The following MIR17HG variants were observed in gnomAD, a reference collection of about 807,000 sequenced individuals.
The protein encoded by MIR17HG is MIR17 host gene (non-protein coding).
intron 3 of MIR17HG, among the ~76,000 whole-genome samples, chr13:91,353,109 CAAAAAAAAAAAAAA>C (rs549062236): frequency 3.5e-5 from 1 of 28,886 alleles, no homozygotes. Context: ...GACTTAAACG[CAAAAAAAAAAAAAA>C]AAAAAAAAAA....
intron 3 of MIR17HG, chr13:91,350,250 T>C (rs1875227806): frequency 9.6e-6 from 2 of 209,312 alleles, no homozygotes; most frequent in Non-Finnish European, 2.0e-5. Flanking sequence ...AAATTGCCTT[T>C]AAATGTTCCA....
At chr13:91,353,897 A>G (rs989949584) in intron 3 of MIR17HG, 1 of 152,136 alleles carries the variant, frequency 6.6e-6, no homozygotes, top group African/African-American at 2.4e-5. Context: ...AGTGTTGGTG[A>G]TTTTACTGAA....
At chr13:91,352,142 T>A (rs141115884) in intron 3 of MIR17HG, 1 of 152,230 alleles carries the variant, frequency 6.6e-6, no homozygotes, top group African/African-American at 2.4e-5. Flanking sequence ...AAGTCTGTAG[T>A]TAACATTTAT....
chr13:91,353,824 T>G (rs1256229049), intron 3 of MIR17HG: 2 of 152,436 alleles, frequency 1.3e-5, no homozygotes, highest in Non-Finnish European at 2.9e-5. Context: ...CTTTCTATTT[T>G]TAGCCTATAT....
intron 1 of MIR17HG, among the ~76,000 whole-genome samples, chr13:91,349,132 C>T (rs1387457915): frequency 2.0e-5 from 3 of 152,050 alleles, no homozygotes; most frequent in Non-Finnish European, 4.4e-5. Flanking sequence ...CATGTGCTGC[C>T]GGCCCGGGCT....
intron 1 of MIR17HG, among the ~76,000 whole-genome samples, chr13:91,348,307 G>A (rs1370968274): frequency 6.6e-6 from 1 of 150,932 alleles, no homozygotes; most frequent in African/African-American, 2.4e-5. Flanking sequence ...GAGAGGACGT[G>A]CGAGGCCCGT....
chr13:91,354,462 T>G lies in MIR17HG; in HGVS notation n.814T>G, dbSNP rs564094713. On this transcript the variant is annotated non_coding_transcript_exon_variant, in exon 4 of 4. Coordinates refer to ENST00000400282, the Ensembl canonical transcript of MIR17HG. ...GATGTGCCTAGTTCTGTATTTACAG[T>G]TTGGTCTGGCTGTTTGAGTTCTAGC... 7.2e-5 allele frequency: 11 copies of G among 152,290 alleles called. No individual in the cohort carries two copies. The South Asian group carries it at 2.1e-3, about 29-fold the overall frequency. 9.4% of individuals were successfully genotyped at this position (152,290 alleles called of 1,614,324 possible).
chr13:91,351,856 T>A (rs1875333115), intron 3 of MIR17HG: 1 of 159,704 alleles, frequency 6.3e-6, no homozygotes, highest in Non-Finnish European at 1.4e-5. Context: ...GGGGTACAAT[T>A]TGTTTCTATT....
At chr13:91,348,857 C>T (rs1487447487) in intron 1 of MIR17HG, among the ~76,000 whole-genome samples, 2 of 149,298 alleles carry the variant, frequency 1.3e-5, no homozygotes, top group Non-Finnish European at 3.0e-5. Flanking sequence ...TTGTTCCCGG[C>T]TTAGGCCTCG....
intron 1 of MIR17HG, among the ~76,000 whole-genome samples, chr13:91,348,879 A>G (rs1875114384): frequency 6.8e-6 from 1 of 147,792 alleles, no homozygotes; most frequent in African/African-American, 2.5e-5. Flanking sequence ...GCCGCGTGCG[A>G]CGGGCACCGC....
At chr13:91,349,524 G>A (rs960421893) in intron 1 of MIR17HG, among the ~76,000 whole-genome samples, 2 of 152,120 alleles carry the variant, frequency 1.3e-5, no homozygotes, top group South Asian at 2.1e-4. Flanking sequence ...TTTTTCAACT[G>A]TAAATTATTG....
At chr13:91,354,278 TA>T (rs1875465218) in exon 4 of MIR17HG, 1 of 152,214 alleles carries the variant, frequency 6.6e-6, no homozygotes, top group Non-Finnish European at 1.5e-5. Flanking sequence ...AAGTCGAAAT[TA>T]ATGTAGTTTT....
chr13:91,352,607 A>T (rs1458145381), intron 3 of MIR17HG, among the ~76,000 whole-genome samples: 1 of 152,214 alleles, frequency 6.6e-6, no homozygotes, highest in Non-Finnish European at 1.5e-5. Flanking sequence ...TAAGGAACTT[A>T]GCCTTGGATT....
rs72631821 is a variant in MIR17HG, at chr13:91,351,334, C to G, written n.284+1108C>G. 5.6e-6 allele frequency: 3 copies of G among 531,502 alleles called. No individual in the cohort carries two copies. In the East Asian group the frequency reaches 1.6e-4, roughly 29 times the overall value. 32.9% of individuals were successfully genotyped at this position (531,502 alleles called of 1,614,324 possible). A position where few individuals can be genotyped will look rare whatever the true frequency, so the allele number is the denominator to read the frequency against. ...AACCCCTTTCTACACAGGTTGGGAT[C>G]GGTTGCAATGCTGTGTTTCTGTATG... On this transcript the variant is annotated intron_variant and non_coding_transcript_variant, in intron 3 of 3. Transcript: ENST00000400282.
At chr13:91,350,889 T>C (rs767790303) in intron 3 of MIR17HG, 13 of 534,638 alleles carry the variant, frequency 2.4e-5, no homozygotes, top group Admixed American at 2.3e-4. Flanking sequence ...TAGTTTTTGT[T>C]TGCAGTCCTC....
At chr13:91,348,569 C>A (rs1251788168) in intron 1 of MIR17HG, among the ~76,000 whole-genome samples, 1 of 151,192 alleles carries the variant, frequency 6.6e-6, no homozygotes, top group African/African-American at 2.4e-5. Context: ...GAGATCGGCG[C>A]GGCCTGGGCG....
At chr13:91,349,181 C>T (rs928576675) in intron 1 of MIR17HG, among the ~76,000 whole-genome samples, 2 of 152,112 alleles carry the variant, frequency 1.3e-5, no homozygotes, top group African/African-American at 2.4e-5. Context: ...TCGGGTGTTC[C>T]TGCCCGGTCT....
chr13:91,352,817 A>T (rs1033734619), intron 3 of MIR17HG, among the ~76,000 whole-genome samples: 4 of 152,170 alleles, frequency 2.6e-5, no homozygotes, highest in African/African-American at 7.2e-5. Flanking sequence ...AACTATGCTT[A>T]AAAAGTTCCG....
chr13:91,348,680 C>T (rs1482501732), intron 1 of MIR17HG, among the ~76,000 whole-genome samples: 5 of 150,756 alleles, frequency 3.3e-5, no homozygotes, highest in Non-Finnish European at 7.4e-5. Flanking sequence ...CGCAGTCGGC[C>T]TCAGCCGCGG....
Sources: allele counts gnomAD v4.1 joint callset (sites outside exome capture counted in the v4.1 genomes callset), GRCh38; gene constraint gnomAD v4.1.1; transcripts MANE v1.5; gene names NCBI Gene and HGNC (gene_info 2026-07-23, HGNC 2026-07-21).